The following HTR1E variants were observed in gnomAD, a reference collection of about 807,000 sequenced individuals.
The protein encoded by HTR1E is 5-hydroxytryptamine receptor 1E.
Under a neutral mutation model 3.4 loss-of-function variants are expected in HTR1E, and 3 were observed. The ratio of observed to expected loss-of-function variants is 0.89; its 90% CI spans 0.41 to 2.31. HTR1E has a LOEUF of 2.31. HTR1E is among the 30% of genes most tolerant of loss of function. HTR1E has a pLI of 0.05. For missense variants in HTR1E, 392 were observed against 467.0 expected, an observed-to-expected ratio of 0.84 and a Z score of 1.48; for synonymous variants, 170 against 182.8, an observed-to-expected ratio of 0.93 and a Z score of 0.56.
At chr6:86,978,156 T>A (rs1207492271) in intron 1 of HTR1E, among the ~76,000 whole-genome samples, 1 of 152,198 alleles carries the variant, frequency 6.6e-6, no homozygotes, top group East Asian at 1.9e-4. Context: ...GGCACATTAG[T>A]TACTTTCCCA....
intron 1 of HTR1E, among the ~76,000 whole-genome samples, chr6:87,009,938 T>A (rs1768182101): frequency 8.7e-6 from 1 of 114,502 alleles, no homozygotes; most frequent in Non-Finnish European, 1.8e-5. Flanking sequence ...GAGGGGCTCC[T>A]CACTTCCCAG....
At chr6:86,948,095 C>T (rs1767151800) in intron 1 of HTR1E, among the ~76,000 whole-genome samples, 2 of 152,146 alleles carry the variant, frequency 1.3e-5, no homozygotes, top group South Asian at 4.1e-4. Flanking sequence ...CATGTGTTCT[C>T]ATTGTTCAAC....
At chr6:87,007,489 G>A (rs1457230972) in intron 1 of HTR1E, among the ~76,000 whole-genome samples, 1 of 152,084 alleles carries the variant, frequency 6.6e-6, no homozygotes, top group East Asian at 1.9e-4. Flanking sequence ...TGGACTTTTT[G>A]TAACACAAAG....
At chr6:86,972,845 C>T (rs6900913) in intron 1 of HTR1E, among the ~76,000 whole-genome samples, 31,927 of 152,000 alleles carry the variant, frequency 0.21, 3,871 homozygotes, top group African/African-American at 0.33. Context: ...TTCAACCTGC[C>T]AAATCATAAT....
chr6:86,938,468 C>A (rs1013495774), intron 1 of HTR1E, among the ~76,000 whole-genome samples: 5 of 152,060 alleles, frequency 3.3e-5, no homozygotes, highest in Non-Finnish European at 1.5e-5. Context: ...GAGGCTGACC[C>A]CCTACCTAAC....
At position 86,941,788 on chromosome 6, in the gene HTR1E, A is replaced by T. The variant is rs759751345; in HGVS notation, c.-186+3965A>T. Among the ~76,000 whole-genome samples, 14 of 152,102 alleles carry T rather than the reference A, an allele frequency of 9.2e-5. No individual in the cohort carries two copies. In the East Asian group the frequency reaches 1.4e-3, roughly 15 times the overall value. On this transcript the variant is annotated intron_variant, in intron 1 of 1. Coordinates refer to ENST00000305344, the MANE Select transcript of HTR1E (RefSeq NM_000865.3). The stretch of plus-strand genomic sequence containing the variant: ...AGCAGCAGCAGCTAGCAGTTCTAAA[A>T]CTCTCAGATCCTCCTAATGACCCCA...
intron 1 of HTR1E, among the ~76,000 whole-genome samples, chr6:86,972,218 T>C (rs1421833531): frequency 2.0e-5 from 3 of 152,324 alleles, no homozygotes; most frequent in African/African-American, 7.2e-5. Flanking sequence ...ACATTATTCA[T>C]TCTATTCATA....
chr6:86,941,226 C>T (rs62440823), intron 1 of HTR1E, among the ~76,000 whole-genome samples: 1 of 152,218 alleles, frequency 6.6e-6, no homozygotes, highest in Non-Finnish European at 1.5e-5. Flanking sequence ...TTCGTTCCCA[C>T]ATTTTGTGGA....
chr6:86,965,709 A>T (rs1767462992), intron 1 of HTR1E, among the ~76,000 whole-genome samples: 1 of 152,198 alleles, frequency 6.6e-6, no homozygotes, highest in Non-Finnish European at 1.5e-5. Flanking sequence ...AAGGAATGAT[A>T]GCAAATATAT....
chr6:87,016,520 C>G lies in HTR1E; in HGVS notation c.*88C>G, dbSNP rs1038523984. On this transcript the variant is annotated 3_prime_UTR_variant, in exon 2 of 2. Coordinates refer to ENST00000305344, the MANE Select transcript of HTR1E (RefSeq NM_000865.3). ...TGCAACTTATTAATTCTTGAACATA[C>G]TTGGTTCAGGAGAGTTTGTAAGTAT... is the stretch of plus-strand genomic sequence containing the variant. 8.7e-5 allele frequency: 99 copies of G among 1,131,606 alleles called. No homozygotes were observed. The highest frequency in any genetic ancestry group is 1.1e-5 in the Non-Finnish European group (9 of 789,646). 70.1% of individuals were successfully genotyped at this position (1,131,606 alleles called of 1,614,324 possible). A position where few individuals can be genotyped will look rare whatever the true frequency, so the allele number is the denominator to read the frequency against.
intron 1 of HTR1E, among the ~76,000 whole-genome samples, chr6:86,943,880 G>C (rs150739115): frequency 6.6e-6 from 1 of 152,278 alleles, no homozygotes; most frequent in Non-Finnish European, 1.5e-5. Flanking sequence ...ATAGTTCCAT[G>C]GGTTGGGAAT....
chr6:87,001,223 G>A (rs565842308), intron 1 of HTR1E, among the ~76,000 whole-genome samples: 2 of 152,032 alleles, frequency 1.3e-5, no homozygotes, highest in South Asian at 4.2e-4. Flanking sequence ...TTTGCCAAAA[G>A]GAAGACAGAA....
intron 1 of HTR1E, among the ~76,000 whole-genome samples, chr6:87,012,835 GC>G (rs1164136883): frequency 2.6e-5 from 4 of 152,200 alleles, no homozygotes; most frequent in African/African-American, 9.7e-5. Flanking sequence ...ATTGAAGCAG[GC>G]TAACGTTAAA....
At chr6:86,941,737 A>C (rs1562056850) in intron 1 of HTR1E, among the ~76,000 whole-genome samples, 1 of 152,192 alleles carries the variant, frequency 6.6e-6, no homozygotes, top group Non-Finnish European at 1.5e-5. Flanking sequence ...TATAGCAAGA[A>C]GAAAATATTT....
chr6:86,990,443 G>A (rs1767856773), intron 1 of HTR1E, among the ~76,000 whole-genome samples: 1 of 152,108 alleles, frequency 6.6e-6, no homozygotes, highest in Non-Finnish European at 1.5e-5. Flanking sequence ...TCAAAGAGGT[G>A]TTGTTGCCAG....
At chr6:86,993,837 A>C (rs989216697) in intron 1 of HTR1E, among the ~76,000 whole-genome samples, 1 of 152,186 alleles carries the variant, frequency 6.6e-6, no homozygotes, top group African/African-American at 2.4e-5. Flanking sequence ...TCTGCAGACG[A>C]AAAGGATTTT....
chr6:87,011,759 C>T (rs1768240703), intron 1 of HTR1E, among the ~76,000 whole-genome samples: 1 of 152,022 alleles, frequency 6.6e-6, no homozygotes. Flanking sequence ...ACAGTAATCC[C>T]TATTTATGTT....
In HTR1E at chr6:86,962,415, A is replaced by G. The variant is rs114569113; in HGVS notation, c.-186+24592A>G. Among the ~76,000 whole-genome samples, 782 of 152,310 alleles carry G rather than the reference A, an allele frequency of 5.1e-3. 7 individuals are homozygous for G. Among genetic ancestry groups the G allele is most frequent in the African/African-American group, 0.018 (738 of 41,576 alleles). ...TTGGTCAACAACAGACCACATATAC[A>G]ATGGTGGTCCCATAAGATGGAGCTG... is the stretch of plus-strand genomic sequence containing the variant. On this transcript the variant is annotated intron_variant, in intron 1 of 1. Transcript: ENST00000305344.
chr6:86,942,933 T>C (rs190231636), intron 1 of HTR1E, among the ~76,000 whole-genome samples: 6 of 152,328 alleles, frequency 3.9e-5, no homozygotes, highest in African/African-American at 1.4e-4. Flanking sequence ...TACTTTCAGC[T>C]TGGTGACAGA....
Sources: allele counts gnomAD v4.1 joint callset (sites outside exome capture counted in the v4.1 genomes callset), GRCh38; gene constraint gnomAD v4.1.1; transcripts MANE v1.5; gene names NCBI Gene and HGNC (gene_info 2026-07-23, HGNC 2026-07-21).